LGALS12: variants seen among roughly 807,000 people sequenced by gnomAD.
LGALS12 encodes the protein galectin 12.
LGALS12 carries 36 observed loss-of-function variants against 36.8 expected under a neutral mutation model. The ratio of observed to expected loss-of-function variants is 0.98; its 90% CI spans 0.75 to 1.29. The LOEUF is 1.29. LGALS12 is among the 50% of genes most tolerant of loss of function. LGALS12 has a pLI of 0.00. For synonymous variants in LGALS12, 145 were observed against 155.9 expected (o/e 0.93, Z 0.52); for missense variants, 366 against 394.3 (o/e 0.93, Z 0.61).
At chr11:63,509,694 A>G in intron 3 of LGALS12, 84 bp from the exon 4 acceptor site, 1 of 1,508,866 alleles carries the variant, frequency 6.6e-7, no homozygotes, top group Non-Finnish European at 9.1e-7. Flanking sequence ...AATTGAGGAA[A>G]AAGTGCTTGG....
intron 7 of LGALS12, among the ~76,000 whole-genome samples, chr11:63,513,762 C>T (rs2016994905): frequency 6.6e-6 from 1 of 152,184 alleles, no homozygotes; most frequent in Non-Finnish European, 1.5e-5. Flanking sequence ...TTCACCTCAT[C>T]CCTTCCCTCC....
At chr11:63,511,655 A>G in intron 6 of LGALS12, 97 bp from the exon 7 acceptor site, 2 of 816,274 alleles carry the variant, frequency 2.5e-6, no homozygotes, top group Non-Finnish European at 4.2e-6. Context: ...CCTGGGCAGA[A>G]CATGCCTGCC....
At position 63,515,735 on chromosome 11, in the gene LGALS12, A is replaced by G. The variant is rs753506104; in HGVS notation, c.798+22A>G. On this transcript the variant is annotated intron_variant, in intron 8 of 8. Transcript: ENST00000394618. ...TGAGGTAGGTCAGAGCCAAATGATT[A>G]CATCCCTTCAGGCTGGAGCACAGAG... The G allele has an allele frequency of 1.7e-5, 28 of 1,611,880 alleles. No individual in the cohort carries two copies. In the Admixed American group the frequency reaches 4.3e-4, roughly 25 times the overall value.
At chr11:63,506,822 G>A (rs1376287497) in intron 1 of LGALS12, among the ~76,000 whole-genome samples, 4 of 152,162 alleles carry the variant, frequency 2.6e-5, no homozygotes, top group Non-Finnish European at 4.4e-5. Context: ...AGGGTGTGGG[G>A]GTAGGATTGT....
In LGALS12 at chr11:63,507,725, CTTTTTTTTTTTTTT is replaced by C. The variant is rs199594642; in HGVS notation, c.70-814_70-801del. On this transcript the variant is annotated intron_variant, in intron 1 of 8. Coordinates refer to ENST00000394618, the MANE Select transcript of LGALS12 (RefSeq NM_033101.4). ...GTATTTTAGGAAGGCCAGGCAACTT[CTTTTTTTTTTTTTT>C]TTTTTTTTTTTTTGAGACCAAGTCT... Among the ~76,000 whole-genome samples, 8 of 69,942 alleles carry C rather than the reference CTTTTTTTTTTTTTT, an allele frequency of 1.1e-4. No homozygotes were observed. The South Asian group carries it at 4.4e-3, about 39-fold the overall frequency. The allele number at this position is 69,942 out of a possible 152,430, so 45.9% of individuals were successfully genotyped here. A position where few individuals can be genotyped will look rare whatever the true frequency, so the allele number is the denominator to read the frequency against.
In LGALS12 at chr11:63,506,538, A is replaced by T. The variant is rs753359483; in HGVS notation, c.69+11A>T. On this transcript the variant is annotated intron_variant, in intron 1 of 8. Coordinates refer to ENST00000394618, the MANE Select transcript of LGALS12 (RefSeq NM_033101.4). ...CCAGTCTTCCACCCGGTGAGTTGTCACTCTAATGTGGAACCTCCTCGGTCT... is the reference window on the plus strand; with the variant it reads ...CCAGTCTTCCACCCGGTGAGTTGTCTCTCTAATGTGGAACCTCCTCGGTCT... 1 of 1,613,868 alleles carries T rather than the reference A, an allele frequency of 6.2e-7. No individual in the cohort carries two copies. The highest frequency in any genetic ancestry group is 1.3e-5 in the African/African-American group (1 of 74,852).
intron 1 of LGALS12, among the ~76,000 whole-genome samples, chr11:63,507,076 G>A (rs2120354879): frequency 6.6e-6 from 1 of 152,268 alleles, no homozygotes; most frequent in Non-Finnish European, 1.5e-5. Context: ...CCCCTCCCAT[G>A]AGAGCTGCAT....
chr11:63,508,892 T>A lies in LGALS12; in HGVS notation c.273T>A (p.His91Gln). Residue 91 changes from histidine to glutamine, a missense_variant, in exon 3 of 9, where the codon CAT (histidine) becomes CAA (glutamine). By Grantham distance (24) the His-to-Gln change is conservative (BLOSUM62 0). Transcript: ENST00000394618. Reference protein sequence around the residue: ...TKPHVICNTLHGGRWQREARW... With the variant: ...TKPHVICNTLQGGRWQREARW... Reference sequence around the variant, plus strand: ...CCCATGTCATCTGCAACACCCTGCATGGTGGACGCTGGCAAAGGGAGGCCC... The same window carrying A: ...CCCATGTCATCTGCAACACCCTGCAAGGTGGACGCTGGCAAAGGGAGGCCC... The A allele has an allele frequency of 6.2e-7, 1 of 1,614,236 alleles. No individual in the cohort carries two copies. Among genetic ancestry groups the A allele is most frequent in the Non-Finnish European group, 8.5e-7 (1 of 1,180,020 alleles).
At chr11:63,513,396 G>A (rs984503501) in intron 7 of LGALS12, among the ~76,000 whole-genome samples, 15 of 152,146 alleles carry the variant, frequency 9.9e-5, no homozygotes, top group African/African-American at 3.6e-4. Flanking sequence ...TAAATAGTGA[G>A]GAAACCAGTT....
intron 8 of LGALS12, 111 bp downstream of exon 8, chr11:63,515,824 G>A (rs1012140518): frequency 8.7e-7 from 1 of 1,149,744 alleles, no homozygotes; most frequent in South Asian, 1.5e-5. Flanking sequence ...TTATGGGGTG[G>A]GAGGCCAGAG....
chr11:63,510,549 C>T (rs771100819), intron 5 of LGALS12, 48 bp downstream of exon 5: 2 of 1,575,044 alleles, frequency 1.3e-6, no homozygotes, highest in Non-Finnish European at 1.7e-6. Context: ...AGCTGACCCG[C>T]CCTTCTGGAC....
intron 5 of LGALS12, among the ~76,000 whole-genome samples, 159 bp from the exon 6 acceptor site, chr11:63,510,920 C>A (rs79960529): frequency 6.6e-6 from 1 of 152,212 alleles, no homozygotes; most frequent in African/African-American, 2.4e-5. Context: ...GCTGGTGAAC[C>A]TCTGAAGTCC....
In LGALS12 at chr11:63,506,395, G is replaced by A. The variant is rs2016743274; in HGVS notation, c.-64G>A. 6.8e-6 allele frequency: 11 copies of A among 1,614,072 alleles called. No individual in the cohort carries two copies. The highest frequency in any genetic ancestry group is 2.7e-5 in the African/African-American group (2 of 74,920). Reference sequence around the variant, plus strand: ...ATTTAGGACCCTGACTGGGGCAGATGAGTCAGCCCAGTGGGGGCAGGGCTC... The same window carrying A: ...ATTTAGGACCCTGACTGGGGCAGATAAGTCAGCCCAGTGGGGGCAGGGCTC... On this transcript the variant is annotated 5_prime_UTR_variant, in exon 1 of 9. The change abolishes an upstream ATG in the 5' untranslated region. Transcript: ENST00000394618.
intron 8 of LGALS12, 150 bp downstream of exon 8, chr11:63,515,863 G>T: frequency 1.2e-6 from 1 of 804,826 alleles, no homozygotes; most frequent in Middle Eastern, 2.5e-4. Context: ...TGTCTGTACA[G>T]CAGTCCTCAA....
At position 63,515,547 on chromosome 11, in the gene LGALS12, C is replaced by T; in HGVS notation, c.648-16C>T. ...AATGGGCGCTGATTCCTTCTCCTTC[C>T]TCCTGCTTCCTGCAGTTTTACTGTG... On this transcript the variant is annotated splice_polypyrimidine_tract_variant and intron_variant, in intron 7 of 8. Transcript: ENST00000394618. The T allele has an allele frequency of 1.2e-6, 2 of 1,613,566 alleles. No individual in the cohort carries two copies. Among genetic ancestry groups the T allele is most frequent in the Non-Finnish European group, 1.7e-6 (2 of 1,179,722 alleles).
At chr11:63,511,992 C>A in intron 7 of LGALS12, 152 bp downstream of exon 7, 1 of 666,134 alleles carries the variant, frequency 1.5e-6, no homozygotes. Context: ...AGAAGTGGCC[C>A]AATTTGGCAG....
In LGALS12 at chr11:63,515,560, C is replaced by T. The variant is rs373219807; in HGVS notation, c.648-3C>T. 5 of 1,613,896 alleles carry T rather than the reference C, an allele frequency of 3.1e-6. No individual in the cohort carries two copies. The African/African-American group carries it at 5.3e-5, about 17-fold the overall frequency. ...TCCTTCTCCTTCCTCCTGCTTCCTG[C>T]AGTTTTACTGTGAGCCTGAGGGACC... On this transcript the variant is annotated splice_polypyrimidine_tract_variant and splice_region_variant and intron_variant, in intron 7 of 8. Transcript: ENST00000394618.
At position 63,516,459 on chromosome 11, in the gene LGALS12, C is replaced by T; in HGVS notation, c.*66C>T. On this transcript the variant is annotated 3_prime_UTR_variant, in exon 9 of 9. Coordinates refer to ENST00000394618, the MANE Select transcript of LGALS12 (RefSeq NM_033101.4). ...AGCCCACTCCCAGGGCCCCACTCTCCTCCCCTCATTAAACCATCCACCTGA... is the reference window on the plus strand; with the variant it reads ...AGCCCACTCCCAGGGCCCCACTCTCTTCCCCTCATTAAACCATCCACCTGA... 1.3e-6 allele frequency: 2 copies of T among 1,578,230 alleles called. No homozygotes were observed. Among genetic ancestry groups the T allele is most frequent in the South Asian group, 1.1e-5 (1 of 89,932 alleles).
rs1221037588 is a variant in LGALS12 at position 63,516,473 on chromosome 11, C to A, written c.*80C>A. On this transcript the variant is annotated 3_prime_UTR_variant, in exon 9 of 9. Coordinates refer to ENST00000394618, the MANE Select transcript of LGALS12 (RefSeq NM_033101.4). The stretch of plus-strand genomic sequence containing the variant: ...GCCCCACTCTCCTCCCCTCATTAAA[C>A]CATCCACCTGACACCAGCACATCAG... 16 of 1,519,290 alleles carry A rather than the reference C, an allele frequency of 1.1e-5. No individual in the cohort carries two copies. The Admixed American group carries it at 1.9e-4, about 18-fold the overall frequency. The allele number at this position is 1,519,290 out of a possible 1,614,324, so 94.1% of individuals were successfully genotyped here.
Sources: allele counts gnomAD v4.1 joint callset (sites outside exome capture counted in the v4.1 genomes callset), GRCh38; gene constraint gnomAD v4.1.1; transcripts MANE v1.5; gene names NCBI Gene and HGNC (gene_info 2026-07-23, HGNC 2026-07-21).